The following MYRIP variants were observed in gnomAD, a reference collection of about 807,000 sequenced individuals.
MYRIP encodes the protein rab effector MyRIP.
MYRIP carries 49 observed loss-of-function variants against 98.0 expected under a neutral mutation model. The observed-to-expected ratio is 0.50, with a 90% CI of 0.40 to 0.63. The LOEUF (loss-of-function observed/expected upper bound fraction) is 0.63. MYRIP is among the 30% of genes least tolerant of loss of function. The probability of loss-of-function intolerance (pLI) is 0.00; values close to 1 mark genes in which losing one functional copy is unlikely to be tolerated. For missense variants in MYRIP, 1,004 were observed against 1,058.2 expected, an observed-to-expected ratio of 0.95 and a Z score of 0.71; for synonymous variants, 404 against 409.5, an observed-to-expected ratio of 0.99 and a Z score of 0.16.
chr3:40,080,487 G>A (rs1240430554), intron 3 of MYRIP, among the ~76,000 whole-genome samples: 1 of 151,926 alleles, frequency 6.6e-6, no homozygotes, highest in Middle Eastern at 3.2e-3. Context: ...GAAAAAAAGT[G>A]TATATAAAAT....
chr3:40,217,842 G>A (rs538394727), intron 11 of MYRIP, among the ~76,000 whole-genome samples: 1 of 152,212 alleles, frequency 6.6e-6, no homozygotes, highest in Admixed American at 6.5e-5. Context: ...ACATTGGTCT[G>A]GCATTCTCTC....
chr3:40,242,911 T>C (rs966724327), intron 12 of MYRIP, among the ~76,000 whole-genome samples: 6 of 152,176 alleles, frequency 3.9e-5, no homozygotes, highest in Non-Finnish European at 8.8e-5. Flanking sequence ...ATACATTATT[T>C]GAATAATTTC....
intron 2 of MYRIP, among the ~76,000 whole-genome samples, chr3:39,938,738 C>G (rs1333397580): frequency 2.0e-5 from 3 of 152,146 alleles, no homozygotes; most frequent in Admixed American, 6.6e-5. Flanking sequence ...ATCCTAGCCT[C>G]AAGAGATCCT....
At chr3:39,879,052 G>A (rs1008777648) in intron 1 of MYRIP, among the ~76,000 whole-genome samples, 5 of 148,326 alleles carry the variant, frequency 3.4e-5, no homozygotes, top group African/African-American at 1.0e-4. Flanking sequence ...GCAACAGAGC[G>A]AGACTCTGTC....
rs754634911 is a variant in MYRIP at position 40,162,837 on chromosome 3, A to T, written c.550+27A>T. On this transcript the variant is annotated intron_variant, in intron 5 of 16. Transcript: ENST00000302541. ...TAAAGTTGCTTAAGAGTTTACAGCT[A>T]CTGGGAAGTTGGAGTAATAGAAACA... 5.9e-5 allele frequency: 94 copies of T among 1,601,542 alleles called. No homozygotes were observed. In the South Asian group the frequency reaches 7.2e-4, roughly 12 times the overall value.
chr3:40,187,209 T>C (rs1951062180), intron 9 of MYRIP, among the ~76,000 whole-genome samples: 3 of 152,218 alleles, frequency 2.0e-5, no homozygotes, highest in Admixed American at 1.3e-4. Context: ...CTAGGATTGA[T>C]GCTTTATATG....
chr3:39,958,067 A>G (rs1373994324), intron 2 of MYRIP, among the ~76,000 whole-genome samples: 2 of 152,216 alleles, frequency 1.3e-5, no homozygotes, highest in African/African-American at 2.4e-5. Flanking sequence ...ATGCTCATGG[A>G]TAAGAAGAAT....
At chr3:40,118,220 G>A (rs1416082324) in intron 3 of MYRIP, among the ~76,000 whole-genome samples, 1 of 109,604 alleles carries the variant, frequency 9.1e-6, no homozygotes, top group Non-Finnish European at 2.1e-5. Context: ...TGATAACACT[G>A]TATGTTGGCA....
chr3:40,122,221 T>C (rs1317255532), intron 3 of MYRIP, among the ~76,000 whole-genome samples: 1 of 151,900 alleles, frequency 6.6e-6, no homozygotes, highest in East Asian at 1.9e-4. Context: ...ATATACCTTC[T>C]GAATTTGAAA....
At chr3:40,086,325 C>A (rs1233461963) in intron 3 of MYRIP, among the ~76,000 whole-genome samples, 1 of 152,200 alleles carries the variant, frequency 6.6e-6, no homozygotes, top group African/African-American at 2.4e-5. Context: ...GGATGTGATT[C>A]TGTAAGTAAC....
rs573421099 is a variant in MYRIP, at chr3:40,215,737, G to A, written c.1905+5644G>A. On this transcript the variant is annotated intron_variant, in intron 11 of 16. Transcript: ENST00000302541. ...ACCCAGGGAGCATTTTATTTCAGAA[G>A]AGTGCCTCATCTTCACTTACTGCTA... is the stretch of plus-strand genomic sequence containing the variant. 2.4e-4 allele frequency among the ~76,000 whole-genome samples: 37 copies of A among 152,296 alleles called. 1 individual carries two copies. The highest frequency in any genetic ancestry group is 8.9e-4 in the African/African-American group (37 of 41,568).
chr3:39,874,713 C>T (rs1942923168), intron 1 of MYRIP, among the ~76,000 whole-genome samples: 1 of 152,120 alleles, frequency 6.6e-6, no homozygotes, highest in African/African-American at 2.4e-5. Context: ...GGTGGATAAG[C>T]TTTTTGATGT....
intron 13 of MYRIP, among the ~76,000 whole-genome samples, chr3:40,247,261 A>T (rs1180863899): frequency 1.3e-5 from 2 of 152,144 alleles, no homozygotes; most frequent in Non-Finnish European, 2.9e-5. Context: ...ATGTGTTTAA[A>T]TGTGTGCCTA....
intron 1 of MYRIP, among the ~76,000 whole-genome samples, chr3:39,823,126 T>C (rs761521010): frequency 1.1e-4 from 16 of 151,680 alleles, no homozygotes; most frequent in Admixed American, 1.3e-4. Flanking sequence ...TTCAAGTGTT[T>C]CTCCTGCCTC....
rs1036508810 is a variant in MYRIP, at chr3:39,885,582, C to T, written c.-30-15205C>T. ...GGGGAAGTTCTCCTGGATAATATCC[C>T]GCAGAGTGTTTTCCAACTTGGTTCC... is the stretch of plus-strand genomic sequence containing the variant. On this transcript the variant is annotated intron_variant, in intron 1 of 16. Coordinates refer to ENST00000302541, the MANE Select transcript of MYRIP (RefSeq NM_015460.4). Among the ~76,000 whole-genome samples, 1,166 of 151,502 alleles carry T rather than the reference C, an allele frequency of 7.7e-3. 18 individuals are homozygous for T. The highest frequency in any genetic ancestry group is 0.026 in the African/African-American group (1,057 of 40,936).
At chr3:40,218,616 A>ATATATATATATATATATTT (rs1952211402) in intron 11 of MYRIP, among the ~76,000 whole-genome samples, 1 of 8,180 alleles carries the variant, frequency 1.2e-4, no homozygotes, top group African/African-American at 1.9e-4. Context: ...TATATTTTAT[A>ATATATATATATATATATTT]TATATATATA....
intron 1 of MYRIP, among the ~76,000 whole-genome samples, chr3:39,855,310 T>C (rs370755061): frequency 1.3e-4 from 20 of 152,234 alleles, no homozygotes; most frequent in African/African-American, 4.6e-4. Context: ...TGAGCTCTAG[T>C]AGTAGTAGGG....
At chr3:39,954,250 G>A (rs1945100017) in intron 2 of MYRIP, among the ~76,000 whole-genome samples, 1 of 152,142 alleles carries the variant, frequency 6.6e-6, no homozygotes, top group South Asian at 2.1e-4. Context: ...TTAACTGGGA[G>A]ACACCTCCCA....
intron 8 of MYRIP, among the ~76,000 whole-genome samples, chr3:40,178,651 G>A (rs1950820807): frequency 6.6e-6 from 1 of 152,176 alleles, no homozygotes; most frequent in Admixed American, 6.5e-5. Flanking sequence ...CTCTTATTTG[G>A]CTAATATTTA....
Sources: allele counts gnomAD v4.1 joint callset (sites outside exome capture counted in the v4.1 genomes callset), GRCh38; gene constraint gnomAD v4.1.1; transcripts MANE v1.5; gene names NCBI Gene and HGNC (gene_info 2026-07-23, HGNC 2026-07-21).